Variants in RGS7 observed in about 807,000 individuals in gnomAD.
RGS7 encodes regulator of G-protein signaling 7.
A neutral mutation model predicts 81.1 loss-of-function variants in RGS7; 27 were observed. The ratio of observed to expected loss-of-function variants is 0.33; its 90% CI spans 0.25 to 0.46. The LOEUF is 0.46. RGS7 is among the 20% of genes least tolerant of loss of function. RGS7 has a pLI of 1.00. For missense variants in RGS7, 396 were observed against 607.4 expected (o/e 0.65, Z 3.66); for synonymous variants, 208 against 207.7 (o/e 1.00, Z -0.01).
In RGS7 at chr1:241,352,919, T is replaced by C. The variant is rs2083336521; in HGVS notation, c.78+2780A>G. On this transcript the variant is annotated intron_variant, in intron 2 of 18. Transcript: ENST00000440928. ...ATAAAATGGAAACAGCACATACATA[T>C]CTTGAGTGTGTGTAAATCATCAGAG... 5.9e-5 allele frequency among the ~76,000 whole-genome samples: 9 copies of C among 152,250 alleles called. No homozygotes were observed. In the South Asian group the frequency reaches 1.7e-3, roughly 28 times the overall value.
At chr1:241,062,537 T>C (rs74634050) in intron 3 of RGS7, among the ~76,000 whole-genome samples, 4,026 of 152,310 alleles carry the variant, frequency 0.026, 160 homozygotes, top group African/African-American at 0.079. Context: ...AATTAGAGCA[T>C]TTCATATGGG....
intron 3 of RGS7, among the ~76,000 whole-genome samples, chr1:240,992,067 T>G (rs1429191416): frequency 1.3e-5 from 2 of 152,204 alleles, no homozygotes; most frequent in Non-Finnish European, 2.9e-5. Flanking sequence ...ATAATACTTT[T>G]TATTCTTTAT....
At chr1:241,281,723 T>A (rs1395598241) in intron 2 of RGS7, among the ~76,000 whole-genome samples, 5 of 152,314 alleles carry the variant, frequency 3.3e-5, no homozygotes, top group Admixed American at 6.5e-5. Flanking sequence ...ATTTTCTTAG[T>A]AACATTTCCT....
chr1:240,878,485 CTTTCTT>C (rs1001039013), intron 6 of RGS7, among the ~76,000 whole-genome samples: 22 of 90,406 alleles, frequency 2.4e-4, no homozygotes, highest in Non-Finnish European at 3.8e-4. Flanking sequence ...TTTCTTTTTT[CTTTCTT>C]TTTTTTTTTT....
intron 2 of RGS7, among the ~76,000 whole-genome samples, chr1:241,318,178 C>G (rs1014438690): frequency 2.0e-5 from 3 of 152,228 alleles, no homozygotes; most frequent in Non-Finnish European, 4.4e-5. Context: ...CATATATAGA[C>G]AAAAGATTAA....
intron 2 of RGS7, among the ~76,000 whole-genome samples, chr1:241,192,296 TTTGA>T (rs947784516): frequency 3.3e-5 from 5 of 151,294 alleles, no homozygotes; most frequent in African/African-American, 7.3e-5. Flanking sequence ...TTTGGTTTGC[TTTGA>T]TTTTGATTTG....
At chr1:241,319,012 T>C (rs1259984530) in intron 2 of RGS7, among the ~76,000 whole-genome samples, 3 of 152,190 alleles carry the variant, frequency 2.0e-5, no homozygotes, top group Non-Finnish European at 4.4e-5. Context: ...AGGTGGATCA[T>C]GTGTGATTTT....
At chr1:241,194,465 T>C (rs1402029781) in intron 2 of RGS7, among the ~76,000 whole-genome samples, 1 of 152,202 alleles carries the variant, frequency 6.6e-6, no homozygotes, top group Non-Finnish European at 1.5e-5. Context: ...CTAAAAGCTA[T>C]ATTCTAACAA....
intron 18 of RGS7, among the ~76,000 whole-genome samples, chr1:240,792,112 CAAATA>C (rs1463548623): frequency 2.6e-5 from 4 of 152,076 alleles, no homozygotes; most frequent in Non-Finnish European, 4.4e-5. Flanking sequence ...CAAATATCAC[CAAATA>C]AAATAAAAGT....
At chr1:241,014,978 G>C (rs534487884) in intron 3 of RGS7, among the ~76,000 whole-genome samples, 2 of 152,296 alleles carry the variant, frequency 1.3e-5, no homozygotes, top group African/African-American at 4.8e-5. Flanking sequence ...CCTAGATACA[G>C]GGAAATAGCG....
intron 4 of RGS7, among the ~76,000 whole-genome samples, chr1:240,979,558 G>C (rs999466763): frequency 1.3e-5 from 2 of 152,182 alleles, no homozygotes; most frequent in Non-Finnish European, 2.9e-5. Flanking sequence ...GTTCCATTTT[G>C]GTTGTGTTGA....
At chr1:240,911,943 T>C (rs1048294050) in intron 6 of RGS7, among the ~76,000 whole-genome samples, 3 of 150,450 alleles carry the variant, frequency 2.0e-5, no homozygotes, top group Non-Finnish European at 4.4e-5. Context: ...AGATGGAGAC[T>C]ATCCTGGCTA....
intron 2 of RGS7, among the ~76,000 whole-genome samples, chr1:241,151,457 G>A (rs1357887376): frequency 6.6e-6 from 1 of 151,998 alleles, no homozygotes; most frequent in Non-Finnish European, 1.5e-5. Context: ...AGCGGGTGAA[G>A]GGCTGAAGAA....
intron 14 of RGS7, among the ~76,000 whole-genome samples, chr1:240,808,652 G>T (rs1422672331): frequency 6.6e-6 from 1 of 152,162 alleles, no homozygotes; most frequent in Non-Finnish European, 1.5e-5. Flanking sequence ...CCCTCACACG[G>T]TCTTTCTAAC....
chr1:241,059,632 C>A (rs11580399), intron 3 of RGS7, among the ~76,000 whole-genome samples: 27,913 of 152,024 alleles, frequency 0.18, 2,927 homozygotes, highest in Non-Finnish European at 0.24. Flanking sequence ...GGTGTAAAGA[C>A]CCAGGAAGCC....
In RGS7 at chr1:241,271,884, CGTGTGTGTGTGTGTGTGTGTGT is replaced by C. The variant is rs373357799; in HGVS notation, c.78+83793_78+83814del. The stretch of plus-strand genomic sequence containing the variant: ...AATCACACAAGCCAAATCTTTATAA[CGTGTGTGTGTGTGTGTGTGTGT>C]GTGTGTGTGTGTGTGTGTGTGTGTG... On this transcript the variant is annotated intron_variant, in intron 2 of 18. Coordinates refer to ENST00000440928, the MANE Select transcript of RGS7 (RefSeq NM_001364886.1). This position sits in a 1 kb window ranked among gnomAD's most constrained non-coding sequence, Gnocchi z 4.6. 5.7e-5 allele frequency among the ~76,000 whole-genome samples: 8 copies of C among 140,478 alleles called. No individual in the cohort carries two copies. In the East Asian group the frequency reaches 1.0e-3, roughly 18 times the overall value. 92.2% of individuals were successfully genotyped at this position (140,478 alleles called of 152,430 possible). A position where few individuals can be genotyped will look rare whatever the true frequency, so the allele number is the denominator to read the frequency against.
chr1:241,341,910 T>G (rs1053825849), intron 2 of RGS7, among the ~76,000 whole-genome samples: 1 of 137,558 alleles, frequency 7.3e-6, no homozygotes, highest in Non-Finnish European at 1.5e-5. Flanking sequence ...AGGGTCTCAC[T>G]GTCACCCAGG....
chr1:241,051,435 A>G (rs1035613393), intron 3 of RGS7, among the ~76,000 whole-genome samples: 2 of 148,760 alleles, frequency 1.3e-5, no homozygotes, highest in Non-Finnish European at 3.0e-5. Context: ...CTTGAAAGGA[A>G]CCCCTGAAAA....
chr1:241,337,058 C>G (rs1168472149), intron 2 of RGS7, among the ~76,000 whole-genome samples: 1 of 152,208 alleles, frequency 6.6e-6, no homozygotes, highest in African/African-American at 2.4e-5. Context: ...CCACCATTTT[C>G]CATCTGTGTG....
Sources: gnomAD v4.1 joint callset for allele counts (sites outside exome capture counted in the v4.1 genomes callset) on GRCh38, gnomAD v4.1.1 for gene constraint, Gnocchi (gnomAD v3.1) non-coding constraint, MANE v1.5 for transcripts, NCBI Gene and HGNC (gene_info 2026-07-23, HGNC 2026-07-21) for gene names.